SHF: variants seen among roughly 807,000 people sequenced by gnomAD.
SHF encodes the protein SH2 domain-containing adapter protein F.
In SHF, 30 loss-of-function variants were observed where a neutral mutation model predicts 42.4. The ratio of observed to expected loss-of-function variants is 0.71; its 90% confidence interval spans 0.53 to 0.96. The LOEUF (loss-of-function observed/expected upper bound fraction) is 0.96. Ranked by LOEUF, SHF falls within the 40% of genes least tolerant of loss-of-function variation. SHF has a pLI of 0.00. For missense variants in SHF, 598 were observed against 634.0 expected (o/e 0.94, Z 0.61); for synonymous variants, 264 against 269.9 (o/e 0.98, Z 0.21).
intron 2 of SHF, among the ~76,000 whole-genome samples, chr15:45,195,195 T>C (rs1364710744): frequency 6.6e-6 from 1 of 152,244 alleles, no homozygotes; most frequent in African/African-American, 2.4e-5. Context: ...AGTTCAACAT[T>C]ACCTGATTTG....
chr15:45,175,513 G>A, intron 2 of SHF, 88 bp from the exon 3 acceptor site: 1 of 1,378,350 alleles, frequency 7.3e-7, no homozygotes, highest in Non-Finnish European at 1.0e-6. Flanking sequence ...CAACAAGCCA[G>A]GCCTCCTTCA....
chr15:45,172,580 C>A (rs1897564736), intron 4 of SHF, among the ~76,000 whole-genome samples: 1 of 152,196 alleles, frequency 6.6e-6, no homozygotes, highest in Admixed American at 6.5e-5. Context: ...AGCAGAGGAG[C>A]AACCTGAGAA....
upstream of SHF, among the ~76,000 whole-genome samples, chr15:45,190,936 C>T (rs1433486409): frequency 1.3e-5 from 2 of 152,146 alleles, no homozygotes; most frequent in East Asian, 3.8e-4. Context: ...GTATGAGCTC[C>T]TAAAAGCAGG....
intron 6 of SHF, chr15:45,171,593 C>T (rs1897489690): frequency 8.5e-6 from 4 of 469,004 alleles, no homozygotes; most frequent in Non-Finnish European, 1.5e-5. Flanking sequence ...ATATTATCCC[C>T]CATCCATTTC....
At chr15:45,175,138 G>A (rs1238819076) in intron 3 of SHF, 81 bp downstream of exon 3, 3 of 1,437,248 alleles carry the variant, frequency 2.1e-6, no homozygotes, top group East Asian at 4.9e-5. Flanking sequence ...CTGGGTTCCT[G>A]GGGTCCACTC....
Position 45,178,288 on chromosome 15 carries a change from A to G in SHF, c.517T>C (p.Tyr173His), listed in dbSNP as rs1449827369. ...SSDRLAILEDYADPFDVQETG... is the reference protein window; with the variant it reads ...SSDRLAILEDHADPFDVQETG... ...TCCTGAACATCAAACGGGTCCGCATAGTCTTCTAGGATAGCTAGCTGTGGG... is the reference window on the plus strand; with the variant it reads ...TCCTGAACATCAAACGGGTCCGCATGGTCTTCTAGGATAGCTAGCTGTGGG... Residue 173 changes from tyrosine (Y) to histidine (H), a missense_variant, in exon 2 of 7, where the codon TAT becomes CAT. By Grantham distance (83) the Tyr-to-His change is moderately conservative. Transcript: ENST00000690270. 3.1e-6 allele frequency: 5 copies of G among 1,613,726 alleles called. No homozygotes were observed. Among genetic ancestry groups the G allele is most frequent in the Middle Eastern group, 1.7e-4 (1 of 6,056 alleles).
intron 1 of SHF, 112 bp from the exon 2 acceptor site, chr15:45,178,418 C>G: frequency 3.1e-6 from 4 of 1,279,322 alleles, no homozygotes; most frequent in Non-Finnish European, 4.2e-6. Context: ...GCCTTCGACC[C>G]AGACCCCCAG....
At position 45,172,216 on chromosome 15, in the gene SHF, G is replaced by A. The variant is rs113152078; in HGVS notation, c.1091C>T (p.Pro364Leu). ...GGGGCTGCTGGGCTCCATGCTTAGGGGTTTGGCTGACTTGGGGTTCCCTGC... is the reference window on the plus strand; with the variant it reads ...GGGGCTGCTGGGCTCCATGCTTAGGAGTTTGGCTGACTTGGGGTTCCCTGC... ...LSAGNPKSAK[P>L]LSMEPSSPLG... is the part of the protein sequence containing the mutation. Residue 364 changes from proline (P) to leucine (L), a missense_variant, in exon 5 of 7, where the codon CCC (proline) becomes CTC (leucine). Around this residue, in one of 2 missense-constraint regions of SHF, gnomAD observed 439 missense variants for 524.6 expected, o/e 0.84. Transcript: ENST00000690270. The A allele has an allele frequency of 1.8e-5, 29 of 1,613,796 alleles. No individual in the cohort carries two copies. The highest frequency in any genetic ancestry group is 2.7e-5 in the African/African-American group (2 of 74,926).
At chr15:45,198,775 G>T (rs376955677) in exon 2 of SHF, 1 of 1,608,364 alleles carries the variant, frequency 6.2e-7, no homozygotes. Context: ...TACTTACGGG[G>T]CGAGGTTCCA....
rs569026212 is a variant in SHF at position 45,194,290 on chromosome 15, C to A, written c.303+4482G>T. ...TATCATATTATTATTCTTTTTGATG[C>A]CCAAATTACCCAAAATTTGACTATT... On this transcript the variant is annotated intron_variant, in intron 2 of 7. Transcript: ENST00000290894. Among the ~76,000 whole-genome samples, 35 of 151,848 alleles carry A rather than the reference C, an allele frequency of 2.3e-4. No homozygotes were observed. The South Asian group carries it at 6.9e-3, about 30-fold the overall frequency.
chr15:45,188,001 G>T, upstream of SHF: 2 of 563,494 alleles, frequency 3.5e-6, no homozygotes, highest in Non-Finnish European at 5.0e-6. Context: ...TGGGGGGCGG[G>T]GGCGGGGGTG....
intron 2 of SHF, among the ~76,000 whole-genome samples, chr15:45,176,072 G>A (rs1400858952): frequency 2.0e-5 from 3 of 151,870 alleles, no homozygotes; most frequent in Admixed American, 1.3e-4. Context: ...TGCCTGCCTC[G>A]GCCTTCCAAA....
At chr15:45,178,382 A>G (rs537323689) in intron 1 of SHF, 76 bp from the exon 2 acceptor site, 13 of 1,525,254 alleles carry the variant, frequency 8.5e-6, no homozygotes, top group African/African-American at 6.9e-5. Context: ...TACTCTGTCC[A>G]TGGGAGCAAG....
At chr15:45,193,659 T>C (rs1168227932) in intron 2 of SHF, among the ~76,000 whole-genome samples, 1 of 152,144 alleles carries the variant, frequency 6.6e-6, no homozygotes, top group African/African-American at 2.4e-5. Context: ...TGGAGGAAAG[T>C]ATGTCGCTTT....
At position 45,187,965 on chromosome 15, in the gene SHF, C is replaced by A. The variant is rs868238742; in HGVS notation, c.-14G>T. The A allele has an allele frequency of 0.016, 17,034 of 1,089,274 alleles. 151 individuals are homozygous for A. The highest frequency in any genetic ancestry group is 0.018 in the Non-Finnish European group (15,765 of 898,598). 67.5% of individuals were successfully genotyped at this position (1,089,274 alleles called of 1,614,324 possible). ...GCTCAGTAACATGGGGCCAGCCAGA[C>A]TGAGCGAGGGGAGCGCAGCGGCGGG... On this transcript the variant is annotated 5_prime_UTR_variant, in exon 1 of 7. Coordinates refer to ENST00000690270, the MANE Select transcript of SHF (RefSeq NM_001394037.1).
chr15:45,173,195 T>C (rs1462605321), intron 4 of SHF, among the ~76,000 whole-genome samples: 1 of 152,172 alleles, frequency 6.6e-6, no homozygotes, highest in Non-Finnish European at 1.5e-5. Flanking sequence ...CCTTACTCTC[T>C]TTCAGTCACC....
intron 1 of SHF, 139 bp from the exon 2 acceptor site, chr15:45,178,445 T>C: frequency 9.5e-7 from 1 of 1,054,876 alleles, no homozygotes; most frequent in Non-Finnish European, 1.3e-6. Context: ...AAAGGAAGGC[T>C]CTGAGCTTGG....
Position 45,167,801 on chromosome 15 carries a change from G to A in SHF, c.*146C>T. ...AGGCCCCAGGAGCCCTTTCCCTTTA[G>A]AATAAATTAAGGAATCTCCAGCTTC... On this transcript the variant is annotated 3_prime_UTR_variant, in exon 7 of 7. Transcript: ENST00000690270. The A allele has an allele frequency of 1.3e-6, 1 of 757,388 alleles. No individual in the cohort carries two copies. The highest frequency in any genetic ancestry group is 4.2e-5 in the South Asian group (1 of 23,830). The allele number at this position is 757,388 out of a possible 1,614,324, so 46.9% of individuals were successfully genotyped here.
intron 2 of SHF, among the ~76,000 whole-genome samples, chr15:45,196,867 C>T (rs555946416): frequency 6.8e-6 from 1 of 147,798 alleles, no homozygotes; most frequent in African/African-American, 2.5e-5. Flanking sequence ...CCACTCTGCA[C>T]TCCAGCCTGG....
Sources: allele counts gnomAD v4.1 joint callset (sites outside exome capture counted in the v4.1 genomes callset), GRCh38; gene constraint gnomAD v4.1.1; regional missense constraint gnomAD v4.1.1; transcripts MANE v1.5; gene names NCBI Gene and HGNC (gene_info 2026-07-23, HGNC 2026-07-21).